Variants in PSME3IP1 observed in about 807,000 individuals in gnomAD.
PSME3IP1 encodes PSME3-interacting protein.
Under a neutral mutation model 34.1 loss-of-function variants are expected in PSME3IP1, and 13 were observed. The observed-to-expected ratio is 0.38, with a 90% CI of 0.25 to 0.61. PSME3IP1 has a LOEUF of 0.61. PSME3IP1 is among the 20% of genes least tolerant of loss of function. The pLI is 0.60. For missense variants in PSME3IP1, 237 were observed against 301.4 expected (o/e 0.79, Z 1.58); for synonymous variants, 93 against 114.3 (o/e 0.81, Z 1.19).
In PSME3IP1 at chr16:57,154,265, A is replaced by G; in HGVS notation, c.*25T>C. 1 of 1,601,568 alleles carries G rather than the reference A, an allele frequency of 6.2e-7. No individual in the cohort carries two copies. The highest frequency in any genetic ancestry group is 8.6e-7 in the Non-Finnish European group (1 of 1,169,084). ...ACGGTCCGATCTACCCTTGGGGAGG[A>G]GCTCCCTGTGTAGGGACGGAGAAAC... On this transcript the variant is annotated 3_prime_UTR_variant, in exon 7 of 7. Coordinates refer to ENST00000309137, the MANE Select transcript of PSME3IP1 (RefSeq NM_024946.4). The surrounding 1 kb of genome is among the most constrained non-coding windows in gnomAD (Gnocchi z 4.0).
chr16:57,170,074 T>C (rs1009605275), intron 4 of PSME3IP1, among the ~76,000 whole-genome samples: 26 of 147,368 alleles, frequency 1.8e-4, no homozygotes, highest in African/African-American at 4.3e-4. Flanking sequence ...TCTTCTCCCA[T>C]ACAACGCTTT....
intron 4 of PSME3IP1, among the ~76,000 whole-genome samples, chr16:57,168,043 TC>T (rs1440499033): frequency 2.0e-5 from 3 of 152,168 alleles, no homozygotes; most frequent in Admixed American, 1.3e-4. Context: ...TTTCACTTGT[TC>T]CCTCCACCAG....
intron 1 of PSME3IP1, chr16:57,174,586 C>A (rs2072996882): frequency 1.0e-6 from 1 of 985,396 alleles, no homozygotes. Flanking sequence ...TCTTGAAATT[C>A]CTGTTTCTGA....
At chr16:57,168,988 T>G (rs1172580382) in intron 4 of PSME3IP1, among the ~76,000 whole-genome samples, 2 of 151,806 alleles carry the variant, frequency 1.3e-5, no homozygotes, top group African/African-American at 4.8e-5. Flanking sequence ...AGCATGTATA[T>G]ATTTATACAT....
intron 3 of PSME3IP1, 43 bp from the exon 4 acceptor site, chr16:57,172,415 G>A (rs991029553): frequency 4.4e-6 from 7 of 1,583,872 alleles, no homozygotes; most frequent in Non-Finnish European, 6.0e-6. Flanking sequence ...AGGCTAAAGG[G>A]AAAAATAAGA....
At chr16:57,163,977 G>A (rs1395043234) in intron 6 of PSME3IP1, 24 bp downstream of exon 6, 2 of 1,610,668 alleles carry the variant, frequency 1.2e-6, no homozygotes, top group Non-Finnish European at 1.7e-6. Context: ...TGAGTACAAG[G>A]AAGTAATGAA....
rs1289649512 is a variant in PSME3IP1, at chr16:57,172,781, T to C, written c.221A>G (p.Lys74Arg). The change falls in exon 3 of 7, where the codon AAA becomes AGA. Residue 74 changes from lysine to arginine, a missense_variant. Lys to Arg is a conservative substitution (Grantham distance 26, BLOSUM62 2). Transcript: ENST00000309137. ...RKQQEYEEQFKFKNMVRGLDE... is the reference protein window; with the variant it reads ...RKQQEYEEQFRFKNMVRGLDE... The stretch of plus-strand genomic sequence containing the variant: ...CTCTGTTTTCTGAAGCTTACTGAAT[T>C]TGAACTGTTCCTCGTACTCCTGCTG... The C allele has an allele frequency of 4.3e-6, 7 of 1,610,890 alleles. No homozygotes were observed. The highest frequency in any genetic ancestry group is 1.3e-5 in the African/African-American group (1 of 74,828).
intron 1 of PSME3IP1, among the ~76,000 whole-genome samples, chr16:57,178,084 A>G (rs1204401273): frequency 6.6e-6 from 1 of 152,262 alleles, no homozygotes; most frequent in African/African-American, 2.4e-5. Flanking sequence ...TTAGATGGAC[A>G]CACATAGTAA....
At chr16:57,166,976 C>T in intron 5 of PSME3IP1, 117 bp downstream of exon 5, 1 of 1,198,338 alleles carries the variant, frequency 8.3e-7, no homozygotes, top group Admixed American at 2.0e-5. Flanking sequence ...GGTGAGCACA[C>T]CAAGGGAACT....
chr16:57,172,667 C>G (rs1002560431), intron 3 of PSME3IP1, 109 bp downstream of exon 3: 8 of 925,896 alleles, frequency 8.6e-6, no homozygotes, highest in Non-Finnish European at 1.2e-5. Flanking sequence ...TCCGGAGACT[C>G]GAAAATCAAG....
chr16:57,163,366 A>G (rs1475918144), intron 6 of PSME3IP1, among the ~76,000 whole-genome samples: 1 of 152,096 alleles, frequency 6.6e-6, no homozygotes, highest in African/African-American at 2.4e-5. Context: ...TCTTTTTTTG[A>G]GAGAAATTAA....
intron 6 of PSME3IP1, among the ~76,000 whole-genome samples, chr16:57,159,270 G>A (rs1371307908): frequency 2.0e-5 from 3 of 152,194 alleles, no homozygotes; most frequent in South Asian, 4.1e-4. Flanking sequence ...TTGCAAATCT[G>A]ACAAATTTCA....
chr16:57,183,325 A>T (rs1190809937), intron 1 of PSME3IP1, among the ~76,000 whole-genome samples: 1 of 152,068 alleles, frequency 6.6e-6, no homozygotes, highest in African/African-American at 2.4e-5. Flanking sequence ...ATATGCTGGA[A>T]ATTTGTCAAA....
At chr16:57,165,706 C>T (rs185591881) in intron 5 of PSME3IP1, among the ~76,000 whole-genome samples, 4 of 152,216 alleles carry the variant, frequency 2.6e-5, no homozygotes, top group East Asian at 1.9e-4. Flanking sequence ...AACTCAGGGT[C>T]GGACAGATTA....
intron 5 of PSME3IP1, 57 bp downstream of exon 5, chr16:57,167,036 T>C (rs908593651): frequency 2.3e-5 from 36 of 1,597,172 alleles, no homozygotes; most frequent in Middle Eastern, 2.3e-4. Context: ...CCATTACAAG[T>C]GGTGTTTCAG....
At chr16:57,157,313 CAAAAA>C (rs751911757) in intron 6 of PSME3IP1, among the ~76,000 whole-genome samples, 3 of 76,846 alleles carry the variant, frequency 3.9e-5, no homozygotes, top group Middle Eastern at 6.3e-3. Context: ...AACCTATCTC[CAAAAA>C]AAAAAAAAAA....
chr16:57,184,083 CAG>C (rs1247166264), intron 1 of PSME3IP1, among the ~76,000 whole-genome samples: 4 of 152,070 alleles, frequency 2.6e-5, no homozygotes, highest in African/African-American at 9.7e-5. Flanking sequence ...ACAAACCAAA[CAG>C]AACTTCAGAA....
At chr16:57,178,618 T>C in intron 1 of PSME3IP1, 1 of 985,178 alleles carries the variant, frequency 1.0e-6, no homozygotes, top group Non-Finnish European at 1.2e-6. Flanking sequence ...CAAGCAAGTA[T>C]TTGCTGAAGT....
At chr16:57,163,941 C>T in intron 6 of PSME3IP1, 60 bp downstream of exon 6, 2 of 1,473,338 alleles carry the variant, frequency 1.4e-6, no homozygotes, top group Non-Finnish European at 1.9e-6. Flanking sequence ...TGCATTACAG[C>T]CCTTTACTGT....
Sources: gnomAD v4.1 joint callset for allele counts (sites outside exome capture counted in the v4.1 genomes callset) on GRCh38, gnomAD v4.1.1 for gene constraint, Gnocchi (gnomAD v3.1) non-coding constraint, MANE v1.5 for transcripts, NCBI Gene and HGNC (gene_info 2026-07-23, HGNC 2026-07-21) for gene names.